Variants in ADAMTS20 observed in about 807,000 individuals in gnomAD.
The protein encoded by ADAMTS20 is A disintegrin and metalloproteinase with thrombospondin motifs 20.
Under a neutral mutation model 260.1 loss-of-function variants are expected in ADAMTS20, and 225 were observed. The ratio of observed to expected loss-of-function variants is 0.87; its 90% CI spans 0.78 to 0.97. ADAMTS20 has a LOEUF of 0.97. Among genes scored for constraint, ADAMTS20 ranks in the 50% least tolerant of loss-of-function variants. ADAMTS20 has a pLI of 0.00. For synonymous variants in ADAMTS20, 802 were observed against 769.5 expected (o/e 1.04, Z -0.70); for missense variants, 2,400 against 2,337.7 (o/e 1.03, Z -0.55).
chr12:43,493,310 G>C (rs1942633098), intron 4 of ADAMTS20, 57 bp from the exon 5 acceptor site: 5 of 1,276,176 alleles, frequency 3.9e-6, no homozygotes, highest in Admixed American at 2.2e-5. Flanking sequence ...CTTCTCAAAA[G>C]TAAGTTGAAA....
intron 4 of ADAMTS20, among the ~76,000 whole-genome samples, chr12:43,500,776 C>T (rs1326173420): frequency 6.6e-6 from 1 of 150,828 alleles, no homozygotes; most frequent in East Asian, 2.0e-4. Flanking sequence ...TGAGTACCCA[C>T]ACTGTATCAT....
chr12:43,450,474 A>T (rs1313342575), intron 14 of ADAMTS20, among the ~76,000 whole-genome samples: 2 of 152,192 alleles, frequency 1.3e-5, no homozygotes, highest in African/African-American at 2.4e-5. Flanking sequence ...TTGCATTGTC[A>T]TATGACTTTA....
intron 37 of ADAMTS20, 73 bp downstream of exon 37, chr12:43,369,217 T>C: frequency 1.1e-6 from 1 of 937,022 alleles, no homozygotes. Context: ...ATATTCTGGT[T>C]AAAAAAATGA....
intron 29 of ADAMTS20, among the ~76,000 whole-genome samples, chr12:43,395,522 GGCA>G (rs1390673961): frequency 1.3e-5 from 2 of 151,738 alleles, no homozygotes; most frequent in Non-Finnish European, 2.9e-5. Flanking sequence ...GGGAGCACTG[GGCA>G]GCAGATTTGT....
intron 3 of ADAMTS20, among the ~76,000 whole-genome samples, chr12:43,513,301 C>T (rs962536034): frequency 1.3e-5 from 2 of 152,158 alleles, no homozygotes; most frequent in African/African-American, 2.4e-5. Context: ...AAGAAACCAA[C>T]CCATAGGACT....
intron 10 of ADAMTS20, among the ~76,000 whole-genome samples, chr12:43,464,016 C>T (rs950107724): frequency 6.6e-6 from 1 of 151,994 alleles, no homozygotes; most frequent in Non-Finnish European, 1.5e-5. Flanking sequence ...TAAATTTACC[C>T]CCATATAAAA....
chr12:43,432,843 T>C (rs1941476602), intron 19 of ADAMTS20, 32 bp from the exon 20 acceptor site: 2 of 1,526,014 alleles, frequency 1.3e-6, no homozygotes, highest in African/African-American at 1.4e-5. Context: ...ACTTAGGAGG[T>C]ATATTACATA....
At chr12:43,411,720 T>C (rs1565685777) in intron 28 of ADAMTS20, among the ~76,000 whole-genome samples, 1 of 152,172 alleles carries the variant, frequency 6.6e-6, no homozygotes, top group African/African-American at 2.4e-5. Flanking sequence ...GTAATGTCTC[T>C]TTTAAAAACT....
At chr12:43,527,658 C>A (rs567713250) in intron 3 of ADAMTS20, among the ~76,000 whole-genome samples, 1 of 152,164 alleles carries the variant, frequency 6.6e-6, no homozygotes, top group East Asian at 1.9e-4. Context: ...TAAAATCCCT[C>A]AACAAACTAG....
At chr12:43,452,794 T>C in intron 12 of ADAMTS20, 99 bp from the exon 13 acceptor site, 2 of 1,131,808 alleles carry the variant, frequency 1.8e-6, no homozygotes, top group Non-Finnish European at 2.4e-6. Context: ...AGAAAACCAG[T>C]GAAGTCCCAC....
chr12:43,527,115 T>C (rs953586248), intron 3 of ADAMTS20, among the ~76,000 whole-genome samples: 6 of 152,116 alleles, frequency 3.9e-5, no homozygotes, highest in African/African-American at 1.4e-4. Context: ...CCTGGAACCA[T>C]ACAACCATCG....
chr12:43,434,316 A>G lies in ADAMTS20; in HGVS notation c.2649T>C (p.Ser883=). The G allele has an allele frequency of 6.3e-7, 1 of 1,593,794 alleles. No homozygotes were observed. Among genetic ancestry groups the G allele is most frequent in the South Asian group, 1.1e-5 (1 of 87,886 alleles). ...CIHKSDHSVV[S]DKECDHLPLP... ...GTGGCAAGTGGTCACATTCTTTATC[A>G]GACACAACACTATGATCACTCTTAT... The change falls in exon 19 of 39, where the codon TCT becomes TCC. Residue 883 remains serine (S), a synonymous_variant. Coordinates refer to ENST00000389420, the MANE Select transcript of ADAMTS20 (RefSeq NM_025003.5).
At chr12:43,468,035 C>T (rs1174103596) in intron 8 of ADAMTS20, among the ~76,000 whole-genome samples, 1 of 152,068 alleles carries the variant, frequency 6.6e-6, no homozygotes, top group African/African-American at 2.4e-5. Context: ...ATCACGGCCT[C>T]TATTCTTACA....
chr12:43,512,112 T>C (rs1462036916), intron 3 of ADAMTS20, among the ~76,000 whole-genome samples: 2 of 151,698 alleles, frequency 1.3e-5, no homozygotes. Flanking sequence ...TTCACATATG[T>C]TATCTCATTT....
At chr12:43,395,955 C>T (rs560336682) in intron 29 of ADAMTS20, among the ~76,000 whole-genome samples, 3 of 151,670 alleles carry the variant, frequency 2.0e-5, no homozygotes, top group Admixed American at 6.6e-5. Context: ...AATCTAGAAC[C>T]ATACTAGCTT....
intron 2 of ADAMTS20, 41 bp from the exon 3 acceptor site, chr12:43,532,236 C>A (rs539937754): frequency 6.5e-7 from 1 of 1,550,332 alleles, no homozygotes; most frequent in Non-Finnish European, 8.7e-7. Context: ...TCCTAACAGT[C>A]GCCAAGAAGA....
At chr12:43,407,547 A>T (rs961494044) in intron 28 of ADAMTS20, among the ~76,000 whole-genome samples, 1 of 151,894 alleles carries the variant, frequency 6.6e-6, no homozygotes, top group African/African-American at 2.4e-5. Flanking sequence ...TCACTTTCAA[A>T]TATAAAACCT....
rs113237448 is a variant in ADAMTS20, at chr12:43,398,074, C to A, written c.4452+992G>T. 6.4e-3 allele frequency among the ~76,000 whole-genome samples: 972 copies of A among 152,286 alleles called. 11 individuals carry two copies. The highest frequency in any genetic ancestry group is 0.022 in the African/African-American group (935 of 41,564). On this transcript the variant is annotated intron_variant, in intron 29 of 38. Transcript: ENST00000389420. ...TCTGACAGAGATAAGGAAGTTCCAACATCAGAAGATGGGTGTCTTTTTCCT... is the reference window on the plus strand; with the variant it reads ...TCTGACAGAGATAAGGAAGTTCCAAAATCAGAAGATGGGTGTCTTTTTCCT...
chr12:43,385,979 T>G (rs537072096), intron 29 of ADAMTS20, among the ~76,000 whole-genome samples: 5 of 152,316 alleles, frequency 3.3e-5, no homozygotes, highest in African/African-American at 9.6e-5. Flanking sequence ...TAGTTTGTAT[T>G]TCTGTGGGAT....
Sources: allele counts gnomAD v4.1 joint callset (sites outside exome capture counted in the v4.1 genomes callset), GRCh38; gene constraint gnomAD v4.1.1; transcripts MANE v1.5; gene names NCBI Gene and HGNC (gene_info 2026-07-23, HGNC 2026-07-21).